The following DGKB variants were observed in gnomAD, a reference collection of about 807,000 sequenced individuals.
DGKB encodes the protein 90 kDa diacylglycerol kinase.
A neutral mutation model predicts 114.3 loss-of-function variants in DGKB; 67 were observed. That is an observed-to-expected ratio of 0.59 (90% CI 0.48 to 0.72). The LOEUF is 0.72. Among genes scored for constraint, DGKB ranks in the 30% least tolerant of loss-of-function variants. The probability of loss-of-function intolerance (pLI) is 0.00; values close to 1 mark genes in which losing one functional copy is unlikely to be tolerated. For synonymous variants in DGKB, 398 were observed against 323.1 expected (o/e 1.23, Z -2.49); for missense variants, 907 against 975.2 (o/e 0.93, Z 0.93).
chr7:14,884,856 C>T (rs1854783116), intron 1 of DGKB, among the ~76,000 whole-genome samples: 1 of 151,908 alleles, frequency 6.6e-6, no homozygotes, highest in Admixed American at 6.6e-5. Flanking sequence ...TGTTAAGAAG[C>T]CAATGATTAG....
intron 2 of DGKB, among the ~76,000 whole-genome samples, chr7:14,792,308 T>G (rs539329136): frequency 6.6e-6 from 1 of 152,248 alleles, no homozygotes; most frequent in African/African-American, 2.4e-5. Context: ...ATATATTAAG[T>G]GCTTTATTCG....
intron 23 of DGKB, among the ~76,000 whole-genome samples, chr7:14,181,171 A>ATGTC (rs1218773759): frequency 1.3e-5 from 2 of 152,194 alleles, no homozygotes; most frequent in Admixed American, 1.3e-4. Flanking sequence ...GGTCTTGTCT[A>ATGTC]TGTCTCTTTT....
At chr7:14,850,592 C>A (rs1849222606) in intron 1 of DGKB, among the ~76,000 whole-genome samples, 1 of 151,962 alleles carries the variant, frequency 6.6e-6, no homozygotes, top group Non-Finnish European at 1.5e-5. Flanking sequence ...TCTGTTTTCT[C>A]AATGATGTAT....
intron 21 of DGKB, among the ~76,000 whole-genome samples, chr7:14,418,152 T>A (rs1303558219): frequency 6.9e-6 from 1 of 145,592 alleles, no homozygotes; most frequent in Non-Finnish European, 1.5e-5. Flanking sequence ...TATATAAATT[T>A]ATATTTTTAT....
intron 2 of DGKB, among the ~76,000 whole-genome samples, chr7:14,789,040 C>G (rs1349071595): frequency 1.3e-5 from 2 of 151,778 alleles, no homozygotes; most frequent in Admixed American, 6.6e-5. Context: ...CAGACCCAAC[C>G]TTAAGCACAA....
intron 20 of DGKB, among the ~76,000 whole-genome samples, chr7:14,504,441 T>C (rs568121351): frequency 1.3e-5 from 2 of 152,316 alleles, no homozygotes; most frequent in South Asian, 2.1e-4. Context: ...AAGTTTAGTA[T>C]TGACAAATAG....
At chr7:14,683,399 G>T (rs926720039) in intron 10 of DGKB, among the ~76,000 whole-genome samples, 4 of 152,132 alleles carry the variant, frequency 2.6e-5, no homozygotes, top group Admixed American at 1.3e-4. Flanking sequence ...TTGTCCAAAA[G>T]CAACAGCCTT....
intron 23 of DGKB, among the ~76,000 whole-genome samples, chr7:14,315,537 G>A (rs990026893): frequency 1.3e-5 from 2 of 151,370 alleles, no homozygotes; most frequent in Admixed American, 6.6e-5. Flanking sequence ...ACACAAAGAA[G>A]GCCATTACAT....
chr7:14,208,805 GT>G (rs1562619541), intron 23 of DGKB, among the ~76,000 whole-genome samples: 1 of 151,048 alleles, frequency 6.6e-6, no homozygotes, highest in African/African-American at 2.4e-5. Flanking sequence ...CACAGCTAGT[GT>G]TTTTTCAGTC....
At chr7:14,946,190 T>C (rs1785867788) in intron 1 of DGKB, among the ~76,000 whole-genome samples, 1 of 151,534 alleles carries the variant, frequency 6.6e-6, no homozygotes, top group Non-Finnish European at 1.5e-5. Flanking sequence ...CCCAGTTGAT[T>C]TTGTAGTTTT....
At chr7:14,872,391 G>A (rs1412679426) in intron 1 of DGKB, among the ~76,000 whole-genome samples, 2 of 152,114 alleles carry the variant, frequency 1.3e-5, no homozygotes, top group Admixed American at 1.3e-4. Flanking sequence ...AAATACTACC[G>A]GTTGACTGAT....
intron 23 of DGKB, among the ~76,000 whole-genome samples, chr7:14,204,534 CAT>C (rs1160541922): frequency 1.3e-5 from 2 of 152,026 alleles, no homozygotes; most frequent in Non-Finnish European, 2.9e-5. Context: ...AATTGGGAAA[CAT>C]ACAACGGCTG....
intron 2 of DGKB, among the ~76,000 whole-genome samples, chr7:14,771,969 C>T (rs958516580): frequency 3.3e-5 from 5 of 152,148 alleles, no homozygotes; most frequent in African/African-American, 4.8e-5. Flanking sequence ...CCTGAACACT[C>T]CTTTCCATTG....
chr7:14,226,582 T>C (rs2128332475), intron 23 of DGKB, among the ~76,000 whole-genome samples: 1 of 152,160 alleles, frequency 6.6e-6, no homozygotes, highest in African/African-American at 2.4e-5. Flanking sequence ...ACTATTTTCC[T>C]TGAGGATTAT....
intron 20 of DGKB, among the ~76,000 whole-genome samples, chr7:14,517,331 C>T (rs535446835): frequency 1.3e-4 from 20 of 151,796 alleles, no homozygotes; most frequent in African/African-American, 4.8e-4. Context: ...GACTTAAATG[C>T]AAAACCTAAA....
At chr7:14,347,595 C>T (rs568099556) in intron 21 of DGKB, among the ~76,000 whole-genome samples, 76 of 152,006 alleles carry the variant, frequency 5.0e-4, no homozygotes, top group African/African-American at 1.8e-3. Context: ...AAGAGTACAA[C>T]TGTGGTTATC....
chr7:14,551,231 T>C (rs192549238), intron 20 of DGKB, among the ~76,000 whole-genome samples: 7 of 152,328 alleles, frequency 4.6e-5, no homozygotes, highest in Non-Finnish European at 1.0e-4. Context: ...TATATATGTG[T>C]AGTAAAAGTC....
At chr7:14,370,226 T>C (rs1239986852) in intron 21 of DGKB, among the ~76,000 whole-genome samples, 3 of 152,210 alleles carry the variant, frequency 2.0e-5, no homozygotes, top group East Asian at 3.8e-4. Context: ...TTCCTTGTTT[T>C]TGTCAGGTTT....
intron 1 of DGKB, among the ~76,000 whole-genome samples, chr7:14,967,801 A>G (rs1172823005): frequency 6.6e-6 from 1 of 152,110 alleles, no homozygotes; most frequent in Non-Finnish European, 1.5e-5. Flanking sequence ...TAAAATGCTA[A>G]AAGTAAGTAA....
Sources: gnomAD v4.1 joint callset for allele counts (sites outside exome capture counted in the v4.1 genomes callset) on GRCh38, gnomAD v4.1.1 for gene constraint, MANE v1.5 for transcripts, NCBI Gene and HGNC (gene_info 2026-07-23, HGNC 2026-07-21) for gene names.